The following FNIP2 variants were observed in gnomAD, a reference collection of about 807,000 sequenced individuals.
FNIP2 encodes the protein folliculin-interacting protein 2.
In FNIP2, 32 loss-of-function variants were observed where a neutral mutation model predicts 108.7. That is an observed-to-expected ratio of 0.29 (90% CI 0.22 to 0.40). The LOEUF (loss-of-function observed/expected upper bound fraction) is 0.40, where lower values mean the gene tolerates loss of function less well. Among genes scored for constraint, FNIP2 ranks in the 10% least tolerant of loss-of-function variants. The probability of loss-of-function intolerance (pLI) is 1.00; values close to 1 mark genes in which losing one functional copy is unlikely to be tolerated. For synonymous variants in FNIP2, 480 were observed against 496.7 expected (o/e 0.97, Z 0.45); for missense variants, 1,202 against 1,381.6 (o/e 0.87, Z 2.06).
chr4:158,779,571 GT>G (rs11358822), intron 1 of FNIP2, among the ~76,000 whole-genome samples: 113,981 of 120,064 alleles, frequency 0.95, 54,167 homozygotes, highest in East Asian at 0.99. Context: ...GTTGGTCGTG[GT>G]TTTTTTTTTT....
chr4:158,820,632 A>G lies in FNIP2; in HGVS notation c.108-5284A>G, dbSNP rs1018641083. Among the ~76,000 whole-genome samples the G allele has an allele frequency of 2.0e-5, 3 of 152,212 alleles. No homozygotes were observed. The South Asian group carries it at 6.2e-4, about 32-fold the overall frequency. ...TGGCATAAAATTTAAAGTCCTTCAC[A>G]AGTAGTCCTCAGGTGCCTTTCTAGC... On this transcript the variant is annotated intron_variant, in intron 1 of 16. Coordinates refer to ENST00000264433, the MANE Select transcript of FNIP2 (RefSeq NM_020840.3).
At chr4:158,790,598 T>C (rs1776379872) in intron 1 of FNIP2, among the ~76,000 whole-genome samples, 1 of 151,698 alleles carries the variant, frequency 6.6e-6, no homozygotes, top group African/African-American at 2.4e-5. Context: ...ATTTTGAAAA[T>C]CAGTTGGGCA....
intron 16 of FNIP2, among the ~76,000 whole-genome samples, chr4:158,898,919 C>G (rs1782943538): frequency 6.6e-6 from 1 of 152,156 alleles, no homozygotes; most frequent in African/African-American, 2.4e-5. Flanking sequence ...TTGTCTTGTG[C>G]TGGTTTCCAA....
intron 5 of FNIP2, 151 bp from the exon 6 acceptor site, chr4:158,833,377 C>T: frequency 5.4e-6 from 3 of 552,766 alleles, no homozygotes; most frequent in East Asian, 6.0e-5. Context: ...GTTTAATTCC[C>T]TTTGGTAGAT....
intron 10 of FNIP2, among the ~76,000 whole-genome samples, chr4:158,860,881 T>C (rs1233267371): frequency 6.6e-6 from 1 of 152,150 alleles, no homozygotes; most frequent in East Asian, 1.9e-4. Flanking sequence ...GTTCTCTATC[T>C]CTTGACCTTG....
At chr4:158,776,107 A>C (rs1319558844) in intron 1 of FNIP2, among the ~76,000 whole-genome samples, 1 of 152,208 alleles carries the variant, frequency 6.6e-6, no homozygotes, top group African/African-American at 2.4e-5. Context: ...GTGTTTGGTT[A>C]TGTGCTGATG....
chr4:158,868,944 C>T lies in FNIP2; in HGVS notation c.2308C>T (p.Pro770Ser). ...GCAGGTTTCTAGGAGCCCTTTTAAA[C>T]CTGGCTTTCAGGAGAATGTTTGCTG... ...DPQVSRSPFK[P>S]GFQENVCCPQ... The change falls in exon 13 of 17, where the codon CCT becomes TCT. Residue 770 changes from proline to serine, a missense_variant. Physicochemically the swap from Pro to Ser is moderately conservative, Grantham distance 74. Around this residue, in one of 5 missense-constraint regions of FNIP2, gnomAD observed 878 missense variants for 990.3 expected, o/e 0.89. Coordinates refer to ENST00000264433, the MANE Select transcript of FNIP2 (RefSeq NM_020840.3). This position sits in a 1 kb window ranked among gnomAD's most constrained non-coding sequence, Gnocchi z 4.6. The T allele has an allele frequency of 1.2e-6, 2 of 1,613,988 alleles. No homozygotes were observed. Among genetic ancestry groups the T allele is most frequent in the African/African-American group, 1.3e-5 (1 of 75,048 alleles).
intron 14 of FNIP2, among the ~76,000 whole-genome samples, chr4:158,879,215 C>A (rs184871195): frequency 6.6e-6 from 1 of 150,626 alleles, no homozygotes; most frequent in Admixed American, 6.6e-5. Flanking sequence ...CACTTAACAA[C>A]TGGACATCAA....
intron 1 of FNIP2, among the ~76,000 whole-genome samples, chr4:158,803,662 T>G (rs1298611324): frequency 6.6e-6 from 1 of 152,244 alleles, no homozygotes; most frequent in Admixed American, 6.5e-5. Flanking sequence ...GATTTTGAAC[T>G]GTGGAATTAA....
rs1729872250 is a variant in FNIP2, at chr4:158,906,709, A to G, written c.*2165A>G. On this transcript the variant is annotated 3_prime_UTR_variant, in exon 17 of 17. Transcript: ENST00000264433. The stretch of plus-strand genomic sequence containing the variant: ...AATCCTCATATCTATTGCCTACAAA[A>G]ATAGACCAAGAATGTTGCTGCTCTT... 2 of 152,214 alleles carry G rather than the reference A, an allele frequency of 1.3e-5. No individual in the cohort carries two copies. Among genetic ancestry groups the G allele is most frequent in the South Asian group, 4.1e-4 (2 of 4,832 alleles). 9.4% of individuals were successfully genotyped at this position (152,214 alleles called of 1,614,324 possible). A position where few individuals can be genotyped will look rare whatever the true frequency, so the allele number is the denominator to read the frequency against.
At chr4:158,855,373 C>G (rs966179337) in intron 8 of FNIP2, among the ~76,000 whole-genome samples, 4 of 152,296 alleles carry the variant, frequency 2.6e-5, no homozygotes, top group East Asian at 3.9e-4. Context: ...CCCATGCAGC[C>G]AGCCCTTAAT....
intron 14 of FNIP2, among the ~76,000 whole-genome samples, chr4:158,884,876 C>A (rs1298302538): frequency 6.6e-6 from 1 of 151,558 alleles, no homozygotes; most frequent in African/African-American, 2.4e-5. Context: ...CACAGAGGCT[C>A]ATGTCTGTAA....
intron 1 of FNIP2, among the ~76,000 whole-genome samples, chr4:158,787,046 C>T (rs1036168269): frequency 1.3e-5 from 2 of 151,874 alleles, no homozygotes; most frequent in African/African-American, 4.8e-5. Context: ...GGATCCATGA[C>T]TTCAGGTAGC....
intron 1 of FNIP2, among the ~76,000 whole-genome samples, chr4:158,796,992 G>T (rs1020695976): frequency 1.3e-5 from 2 of 152,186 alleles, no homozygotes; most frequent in Non-Finnish European, 2.9e-5. Flanking sequence ...CTGACTCAGA[G>T]AAATGAGAGT....
In FNIP2 at chr4:158,905,550, A is replaced by G. The variant is rs954165695; in HGVS notation, c.*1006A>G. On this transcript the variant is annotated 3_prime_UTR_variant, in exon 17 of 17. Coordinates refer to ENST00000264433, the MANE Select transcript of FNIP2 (RefSeq NM_020840.3). ...ACTAATGAAAGCAATTAGCTTGAAC[A>G]TTTAGAAAAAATTCATATATGATCT... 2.0e-5 allele frequency: 3 copies of G among 152,224 alleles called. No homozygotes were observed. Among genetic ancestry groups the G allele is most frequent in the African/African-American group, 7.2e-5 (3 of 41,466 alleles). 9.4% of individuals were successfully genotyped at this position (152,224 alleles called of 1,614,324 possible).
At chr4:158,870,164 C>T (rs1780854689) in intron 13 of FNIP2, 149 bp from the exon 14 acceptor site, 2 of 755,872 alleles carry the variant, frequency 2.6e-6, no homozygotes, top group Non-Finnish European at 2.1e-6. Context: ...TTTTCTCCCA[C>T]CTGTGATCCA....
chr4:158,793,825 A>G (rs1776497858), intron 1 of FNIP2, among the ~76,000 whole-genome samples: 1 of 152,136 alleles, frequency 6.6e-6, no homozygotes, highest in African/African-American at 2.4e-5. Context: ...GTTAGGTTTC[A>G]TACTCCTTCT....
At chr4:158,788,360 C>G (rs969577978) in intron 1 of FNIP2, among the ~76,000 whole-genome samples, 7 of 152,254 alleles carry the variant, frequency 4.6e-5, no homozygotes, top group Admixed American at 3.3e-4. Flanking sequence ...TCTGTATTCA[C>G]TTTGCAATAT....
chr4:158,901,004 A>G (rs563763089), intron 16 of FNIP2, among the ~76,000 whole-genome samples: 163 of 152,150 alleles, frequency 1.1e-3, no homozygotes, highest in Non-Finnish European at 1.9e-3. Flanking sequence ...TGCTTCCTTC[A>G]GGAGCTCTTG....
Sources: gnomAD v4.1 joint callset for allele counts (sites outside exome capture counted in the v4.1 genomes callset) on GRCh38, gnomAD v4.1.1 for gene constraint, gnomAD v4.1.1 regional missense constraint, Gnocchi (gnomAD v3.1) non-coding constraint, MANE v1.5 for transcripts, NCBI Gene and HGNC (gene_info 2026-07-23, HGNC 2026-07-21) for gene names.